The following CPT1A variants were observed in gnomAD, a reference collection of about 807,000 sequenced individuals.
CPT1A encodes carnitine palmitoyltransferase 1A.
Under a neutral mutation model 100.8 loss-of-function variants are expected in CPT1A, and 64 were observed. The observed-to-expected ratio is 0.63, with a 90% CI of 0.52 to 0.78. The LOEUF (loss-of-function observed/expected upper bound fraction) is 0.78. CPT1A is among the 30% of genes least tolerant of loss of function. The pLI is 0.00. For synonymous variants in CPT1A, 363 were observed against 396.0 expected, an observed-to-expected ratio of 0.92 and a Z score of 0.99; for missense variants, 802 against 1,034.1, an observed-to-expected ratio of 0.78 and a Z score of 3.08.
intron 12 of CPT1A, among the ~76,000 whole-genome samples, chr11:68,776,448 T>C (rs1000065842): frequency 2.0e-5 from 3 of 152,140 alleles, no homozygotes; most frequent in Admixed American, 6.5e-5. Flanking sequence ...AAGCCAGACA[T>C]AGAAGACCAC....
chr11:68,790,783 C>A (rs996297283), intron 9 of CPT1A, among the ~76,000 whole-genome samples: 1 of 152,142 alleles, frequency 6.6e-6, no homozygotes, highest in Admixed American at 6.5e-5. Context: ...TAGGTTTTAT[C>A]CCAGCATTTC....
intron 1 of CPT1A, among the ~76,000 whole-genome samples, chr11:68,829,821 C>T (rs1050737328): frequency 2.0e-4 from 31 of 151,970 alleles, no homozygotes; most frequent in Middle Eastern, 3.4e-3. Context: ...GGCAACACCC[C>T]GGCGGCCTCC....
chr11:68,833,036 C>G (rs1856918328), intron 1 of CPT1A, among the ~76,000 whole-genome samples: 1 of 152,226 alleles, frequency 6.6e-6, no homozygotes, highest in African/African-American at 2.4e-5. Context: ...TGACCAATGC[C>G]TGGGAAGATT....
chr11:68,836,030 T>A (rs1857000718), intron 1 of CPT1A, among the ~76,000 whole-genome samples: 1 of 152,202 alleles, frequency 6.6e-6, no homozygotes, highest in Non-Finnish European at 1.5e-5. Context: ...TTTCTCTTCC[T>A]ACCTGTTGCA....
chr11:68,816,842 TGTGTGCGTGTGTG>T (rs1856413154), intron 1 of CPT1A, among the ~76,000 whole-genome samples: 1 of 137,362 alleles, frequency 7.3e-6, no homozygotes, highest in Non-Finnish European at 1.5e-5. Context: ...ATGTGTGTGG[TGTGTGCGTGTGTG>T]GTGTGTGTGT....
At position 68,757,203 on chromosome 11, in the gene CPT1A, T is replaced by C. The variant is rs552169089; in HGVS notation, c.*441A>G. On this transcript the variant is annotated 3_prime_UTR_variant, in exon 19 of 19. Coordinates refer to ENST00000265641, the MANE Select transcript of CPT1A (RefSeq NM_001876.4). ...GTTAGCTACAACTGGGGACACCAAC[T>C]TGAATAACACATTTTTCTTTTAACA... The C allele has an allele frequency of 4.1e-6, 3 of 738,518 alleles. No homozygotes were observed. Among genetic ancestry groups the C allele is most frequent in the African/African-American group, 3.7e-5 (2 of 53,394 alleles). The allele number at this position is 738,518 out of a possible 1,614,324, so 45.7% of individuals were successfully genotyped here.
intron 1 of CPT1A, among the ~76,000 whole-genome samples, chr11:68,820,274 C>T (rs1223377684): frequency 6.6e-6 from 1 of 152,086 alleles, no homozygotes; most frequent in African/African-American, 2.4e-5. Flanking sequence ...TCAAGTGATC[C>T]ACCCATCTCA....
intron 1 of CPT1A, among the ~76,000 whole-genome samples, chr11:68,826,871 G>A (rs1338117131): frequency 1.3e-5 from 2 of 152,168 alleles, no homozygotes; most frequent in Non-Finnish European, 2.9e-5. Context: ...GGGACTACAG[G>A]TGGCTAACCT....
intron 10 of CPT1A, 36 bp from the exon 11 acceptor site, chr11:68,781,995 G>A (rs184020469): frequency 1.7e-5 from 26 of 1,566,786 alleles, no homozygotes; most frequent in African/African-American, 1.1e-4. Flanking sequence ...AAGGCAGCCC[G>A]ACCTGCAGCG....
At chr11:68,779,548 C>T (rs931631282) in intron 12 of CPT1A, among the ~76,000 whole-genome samples, 5 of 143,068 alleles carry the variant, frequency 3.5e-5, no homozygotes, top group Non-Finnish European at 6.0e-5. Flanking sequence ...GTAATCCCAG[C>T]ACTTTGGGAG....
intron 1 of CPT1A, among the ~76,000 whole-genome samples, chr11:68,832,474 A>T (rs1446022965): frequency 2.0e-5 from 3 of 152,078 alleles, no homozygotes; most frequent in Admixed American, 2.0e-4. Flanking sequence ...AAACAAACAA[A>T]CAAACAAAAA....
At chr11:68,790,918 G>A (rs1855597064) in intron 9 of CPT1A, among the ~76,000 whole-genome samples, 1 of 151,934 alleles carries the variant, frequency 6.6e-6, no homozygotes, top group African/African-American at 2.4e-5. Context: ...CCACCTCCCA[G>A]GTTCAAGCAA....
Position 68,784,971 on chromosome 11 carries a change from AC to A in CPT1A, c.1006del (p.Val336CysfsTer19), listed in dbSNP as rs1855418243. The A allele has an allele frequency of 6.2e-7, 1 of 1,613,942 alleles. No homozygotes were observed. The highest frequency in any genetic ancestry group is 8.5e-7 in the Non-Finnish European group (1 of 1,180,048). Reference sequence around the variant, plus strand: ...CTTGAAGTAGCGTCCTCGATGGTACACGACGATGTGCTTGCTGTCTCTCATG... The same window carrying A: ...CTTGAAGTAGCGTCCTCGATGGTACAGACGATGTGCTTGCTGTCTCTCATG... ...QHMRDSKHIVVYHRGRYFKVW... is the reference protein window; with the variant it reads ...QHMRDSKHIVXYHRGRYFKVW... On this transcript the variant is annotated frameshift_variant, in exon 10 of 19. Transcript: ENST00000265641. LOFTEE classifies it high-confidence loss of function.
chr11:68,812,289 G>T, intron 3 of CPT1A, 148 bp downstream of exon 3: 1 of 1,156,354 alleles, frequency 8.6e-7, no homozygotes, highest in East Asian at 2.4e-5. Flanking sequence ...CAGCACCCAG[G>T]AGACAGGAAG....
rs1854623724 is a variant in CPT1A, at chr11:68,761,694, GACA to G, written c.1876-10_1876-8del. The stretch of plus-strand genomic sequence containing the variant: ...ACTTCAGCCTCTGTTCCACCTGAGT[GACA>G]AAAGGTGGGAAGGACATATGTTGCA... On this transcript the variant is annotated splice_polypyrimidine_tract_variant and splice_region_variant and intron_variant, in intron 15 of 18. Coordinates refer to ENST00000265641, the MANE Select transcript of CPT1A (RefSeq NM_001876.4). The G allele has an allele frequency of 6.2e-7, 1 of 1,614,008 alleles. No individual in the cohort carries two copies. Among genetic ancestry groups the G allele is most frequent in the East Asian group, 2.2e-5 (1 of 44,892 alleles).
chr11:68,811,387 T>C (rs1455748011), intron 3 of CPT1A, among the ~76,000 whole-genome samples: 4 of 152,256 alleles, frequency 2.6e-5, no homozygotes, highest in South Asian at 4.2e-4. Flanking sequence ...TCCGAGACAC[T>C]GTGGAGCTTT....
intron 1 of CPT1A, among the ~76,000 whole-genome samples, chr11:68,827,376 T>C (rs1196577271): frequency 6.6e-6 from 1 of 152,150 alleles, no homozygotes; most frequent in African/African-American, 2.4e-5. Context: ...TACTATATTA[T>C]ACAGCAAGAC....
intron 18 of CPT1A, among the ~76,000 whole-genome samples, chr11:68,758,908 G>A (rs942059413): frequency 2.0e-5 from 3 of 151,822 alleles, no homozygotes; most frequent in South Asian, 2.1e-4. Flanking sequence ...GTGAGCCACC[G>A]TGCCTGGCTG....
rs1566336265 is a variant in CPT1A at position 68,757,561 on chromosome 11, G to A, written c.*83C>T. On this transcript the variant is annotated 3_prime_UTR_variant, in exon 19 of 19. Coordinates refer to ENST00000265641, the MANE Select transcript of CPT1A (RefSeq NM_001876.4). ...TTTTTTAAGAGCAGTGTTTCATCCC[G>A]AGCTAAGGTCAGGATTAATGCCTAT... 1.1e-5 allele frequency: 17 copies of A among 1,606,940 alleles called. No homozygotes were observed. The East Asian group carries it at 1.8e-4, about 17-fold the overall frequency.
Sources: allele counts gnomAD v4.1 joint callset (sites outside exome capture counted in the v4.1 genomes callset), GRCh38; gene constraint gnomAD v4.1.1; transcripts MANE v1.5; gene names NCBI Gene and HGNC (gene_info 2026-07-23, HGNC 2026-07-21).